The following KCNQ5 variants were observed in gnomAD, a reference collection of about 807,000 sequenced individuals.
The protein encoded by KCNQ5 is potassium voltage-gated channel subfamily Q member 5, also known as potassium voltage-gated channel subfamily KQT member 5.
A neutral mutation model predicts 98.2 loss-of-function variants in KCNQ5; 30 were observed. That is an observed-to-expected ratio of 0.31 (90% CI 0.23 to 0.41). The LOEUF is 0.41. Ranked by LOEUF, KCNQ5 falls within the 10% of genes least tolerant of loss-of-function variation. KCNQ5 has a pLI of 1.00. For missense variants in KCNQ5, 835 were observed against 1,182.5 expected (o/e 0.71, Z 4.31); for synonymous variants, 458 against 449.4 (o/e 1.02, Z -0.24).
At chr6:73,116,512 T>G (rs144546640) in intron 7 of KCNQ5, among the ~76,000 whole-genome samples, 1 of 151,832 alleles carries the variant, frequency 6.6e-6, no homozygotes, top group Non-Finnish European at 1.5e-5. Context: ...CAAAAAAATT[T>G]TAAAAAGTCA....
chr6:72,746,221 C>T (rs1291302341), intron 1 of KCNQ5, among the ~76,000 whole-genome samples: 2 of 122,266 alleles, frequency 1.6e-5, no homozygotes, highest in Admixed American at 1.5e-4. Context: ...GCATTCTATT[C>T]TGTGGGATAC....
chr6:72,657,398 T>C lies in KCNQ5; in HGVS notation c.398+34811T>C, dbSNP rs146213912. 1.1e-4 allele frequency among the ~76,000 whole-genome samples: 17 copies of C among 152,332 alleles called. No homozygotes were observed. The East Asian group carries it at 2.9e-3, about 26-fold the overall frequency. On this transcript the variant is annotated intron_variant, in intron 1 of 13. Coordinates refer to ENST00000370398, the MANE Select transcript of KCNQ5 (RefSeq NM_019842.4). The stretch of plus-strand genomic sequence containing the variant: ...CCATATGTAAGAGAATCACAATTTT[T>C]TCTCATCCTCTATAAAAATTCATCC...
At chr6:73,100,787 A>G (rs1484357602) in intron 5 of KCNQ5, among the ~76,000 whole-genome samples, 2 of 152,124 alleles carry the variant, frequency 1.3e-5, no homozygotes, top group African/African-American at 4.8e-5. Flanking sequence ...AAATAAAATC[A>G]GAGATGAAAA....
At chr6:73,099,179 A>G (rs1582354873) in intron 5 of KCNQ5, among the ~76,000 whole-genome samples, 1 of 152,268 alleles carries the variant, frequency 6.6e-6, no homozygotes, top group East Asian at 1.9e-4. Context: ...AAAAAGCAAG[A>G]AACTAAATCA....
intron 1 of KCNQ5, among the ~76,000 whole-genome samples, chr6:72,970,758 C>T (rs1056124445): frequency 9.2e-5 from 14 of 152,200 alleles, no homozygotes; most frequent in African/African-American, 3.4e-4. Context: ...AAAGGATTCC[C>T]TATTTAACAG....
chr6:73,061,724 T>C (rs1336665769), intron 3 of KCNQ5, among the ~76,000 whole-genome samples: 1 of 152,182 alleles, frequency 6.6e-6, no homozygotes, highest in East Asian at 1.9e-4. Flanking sequence ...ACTTAGAATT[T>C]TAGTTGTAAC....
chr6:73,099,327 A>G (rs1774662175), intron 5 of KCNQ5, among the ~76,000 whole-genome samples: 1 of 152,174 alleles, frequency 6.6e-6, no homozygotes, highest in Admixed American at 6.5e-5. Flanking sequence ...AACACTGAAT[A>G]TAAATGGATT....
At chr6:72,942,079 G>A (rs989504915) in intron 1 of KCNQ5, among the ~76,000 whole-genome samples, 3 of 152,170 alleles carry the variant, frequency 2.0e-5, no homozygotes, top group Admixed American at 6.5e-5. Context: ...GGCCTGAGCT[G>A]CCATTTTAAG....
intron 10 of KCNQ5, among the ~76,000 whole-genome samples, chr6:73,147,822 G>A: frequency 6.6e-6 from 1 of 151,990 alleles, no homozygotes; most frequent in East Asian, 1.9e-4. Context: ...AGAGGCAAAC[G>A]GTATGACATT....
intron 1 of KCNQ5, among the ~76,000 whole-genome samples, chr6:72,879,370 C>A (rs1289440143): frequency 6.6e-6 from 1 of 152,156 alleles, no homozygotes; most frequent in Non-Finnish European, 1.5e-5. Context: ...CCCTTCATTA[C>A]AAATGAGATT....
chr6:72,998,566 T>C (rs1181788303), intron 1 of KCNQ5, among the ~76,000 whole-genome samples: 1 of 151,794 alleles, frequency 6.6e-6, no homozygotes, highest in African/African-American at 2.4e-5. Flanking sequence ...AAACCCCATC[T>C]CTACTAAAAA....
chr6:73,101,846 G>A (rs1774790231), intron 5 of KCNQ5, among the ~76,000 whole-genome samples: 1 of 152,090 alleles, frequency 6.6e-6, no homozygotes, highest in Non-Finnish European at 1.5e-5. Context: ...CAAATTCAGA[G>A]CAATTCCTAA....
At chr6:73,030,990 G>A (rs1044615444) in intron 2 of KCNQ5, among the ~76,000 whole-genome samples, 2 of 152,132 alleles carry the variant, frequency 1.3e-5, no homozygotes, top group Non-Finnish European at 1.5e-5. Flanking sequence ...GGCCACTTCT[G>A]CTTAGCCTTC....
chr6:73,027,109 C>T (rs140241856), intron 2 of KCNQ5, among the ~76,000 whole-genome samples: 1 of 152,206 alleles, frequency 6.6e-6, no homozygotes, highest in African/African-American at 2.4e-5. Flanking sequence ...ATTTAGAAGC[C>T]AGTATCAAGG....
chr6:72,733,666 T>G (rs1279065603), intron 1 of KCNQ5, among the ~76,000 whole-genome samples: 1 of 152,172 alleles, frequency 6.6e-6, no homozygotes, highest in Non-Finnish European at 1.5e-5. Context: ...CGTGAAAGGA[T>G]TAACCTTGAA....
chr6:73,076,337 C>T (rs1222279758), intron 3 of KCNQ5, among the ~76,000 whole-genome samples: 2 of 152,160 alleles, frequency 1.3e-5, no homozygotes, highest in Non-Finnish European at 2.9e-5. Flanking sequence ...ATGCACAACC[C>T]ACTTGGAGCA....
At chr6:73,011,351 G>T (rs749521226) in intron 2 of KCNQ5, among the ~76,000 whole-genome samples, 4 of 151,944 alleles carry the variant, frequency 2.6e-5, no homozygotes, top group Non-Finnish European at 5.9e-5. Context: ...ACACACTTAC[G>T]GTCAAATGAT....
At chr6:72,798,924 G>A (rs1054846870) in intron 1 of KCNQ5, among the ~76,000 whole-genome samples, 1 of 151,786 alleles carries the variant, frequency 6.6e-6, no homozygotes, top group African/African-American at 2.4e-5. Flanking sequence ...AAATTTTTAT[G>A]AATGCATATA....
At chr6:73,162,854 G>A (rs556302521) in intron 10 of KCNQ5, among the ~76,000 whole-genome samples, 1 of 152,216 alleles carries the variant, frequency 6.6e-6, no homozygotes, top group African/African-American at 2.4e-5. Flanking sequence ...AGGTTCTCTG[G>A]TTTCCTCCCA....
Sources: allele counts gnomAD v4.1 joint callset (sites outside exome capture counted in the v4.1 genomes callset), GRCh38; gene constraint gnomAD v4.1.1; transcripts MANE v1.5; gene names NCBI Gene and HGNC (gene_info 2026-07-23, HGNC 2026-07-21).